RASGRF1: variants seen among roughly 807,000 people sequenced by gnomAD.
RASGRF1 encodes Ras protein specific guanine nucleotide releasing factor 1.
A neutral mutation model predicts 138.7 loss-of-function variants in RASGRF1; 40 were observed. That is an observed-to-expected ratio of 0.29 (90% confidence interval 0.22 to 0.38). The LOEUF (loss-of-function observed/expected upper bound fraction) is 0.38. Among genes scored for constraint, RASGRF1 ranks in the 10% least tolerant of loss-of-function variants. The probability of loss-of-function intolerance (pLI) is 1.00; values close to 1 mark genes in which losing one functional copy is unlikely to be tolerated. For synonymous variants in RASGRF1, 614 were observed against 663.2 expected, an observed-to-expected ratio of 0.93 and a Z score of 1.14; for missense variants, 1,108 against 1,650.4, an observed-to-expected ratio of 0.67 and a Z score of 5.69.
rs1410511102 is a variant in RASGRF1, at chr15:78,960,152, A to G, written c.*1992T>C. The G allele has an allele frequency of 1.3e-5, 2 of 152,262 alleles. No individual in the cohort carries two copies. The highest frequency in any genetic ancestry group is 1.3e-4 in the Admixed American group (2 of 15,290). The allele number at this position is 152,262 out of a possible 1,614,324, so 9.4% of individuals were successfully genotyped here. A position where few individuals can be genotyped will look rare whatever the true frequency, so the allele number is the denominator to read the frequency against. On this transcript the variant is annotated 3_prime_UTR_variant, in exon 27 of 27. Coordinates refer to ENST00000558480, the MANE Select transcript of RASGRF1 (RefSeq NM_001145648.3). The stretch of plus-strand genomic sequence containing the variant: ...TAGATCCCTTCTTTCTCCGCTTGCT[A>G]TCCCCCTCAGATCCCAGCACAAAGT...
At chr15:79,009,470 G>C (rs1415936768) in intron 13 of RASGRF1, among the ~76,000 whole-genome samples, 1 of 152,122 alleles carries the variant, frequency 6.6e-6, no homozygotes, top group Non-Finnish European at 1.5e-5. Flanking sequence ...TGTTTCAGAG[G>C]GAGAGTACAG....
chr15:79,031,287 T>C, intron 8 of RASGRF1, 113 bp downstream of exon 8: 3 of 837,578 alleles, frequency 3.6e-6, no homozygotes, highest in Non-Finnish European at 5.6e-6. Context: ...GCCCCTCCCT[T>C]ACAATCCCCA....
chr15:78,979,937 C>T (rs565752391), intron 24 of RASGRF1, among the ~76,000 whole-genome samples: 2 of 152,202 alleles, frequency 1.3e-5, no homozygotes, highest in African/African-American at 2.4e-5. Context: ...CAGTTTTGGT[C>T]GTCACAACTT....
Position 78,972,337 on chromosome 15 carries a change from C to G in RASGRF1, c.3613-403G>C, listed in dbSNP as rs372553507. ...TCTTGAACTTCTGACCTCAAGTGAT[C>G]CACCCGCCTCAGCTCCCAAAGTGCT... is the stretch of plus-strand genomic sequence containing the variant. On this transcript the variant is annotated intron_variant, in intron 25 of 26. Transcript: ENST00000558480. Among the ~76,000 whole-genome samples, 42 of 152,080 alleles carry G rather than the reference C, an allele frequency of 2.8e-4. 1 individual carries two copies. In the East Asian group the frequency reaches 7.1e-3, roughly 26 times the overall value.
At chr15:78,986,161 C>T (rs1404089639) in intron 22 of RASGRF1, among the ~76,000 whole-genome samples, 1 of 152,022 alleles carries the variant, frequency 6.6e-6, no homozygotes, top group African/African-American at 2.4e-5. Flanking sequence ...TAGAAGATAT[C>T]TTCAAGGACT....
intron 24 of RASGRF1, chr15:78,980,359 T>C (rs1479113423): frequency 3.0e-6 from 1 of 335,234 alleles, no homozygotes; most frequent in African/African-American, 2.1e-5. Context: ...ACTACTATTA[T>C]CATCACAGCT....
At position 79,090,360 on chromosome 15, in the gene RASGRF1, G is replaced by C; in HGVS notation, c.139C>G (p.Leu47Val). Residue 47 changes from leucine to valine, a missense_variant, in exon 1 of 27, where the codon CTG becomes GTG. By Grantham distance (32) the Leu-to-Val change is conservative (BLOSUM62 1). Around this residue, in one of 3 missense-constraint regions of RASGRF1, gnomAD observed 253 missense variants for 329.5 expected, o/e 0.77. Transcript: ENST00000558480. The part of the protein sequence containing the change: ...TKWQTKWFAL[L>V]QNLLFYFESD... ...TCGAAGTAGAAGAGCAGGTTCTGCA[G>C]CAGCGCGAACCACTTGGTTTGCCAT... The C allele has an allele frequency of 6.2e-7, 1 of 1,613,890 alleles. No individual in the cohort carries two copies. The highest frequency in any genetic ancestry group is 1.1e-5 in the South Asian group (1 of 91,080).
chr15:79,066,908 C>T (rs1389923449), intron 1 of RASGRF1, among the ~76,000 whole-genome samples: 1 of 152,158 alleles, frequency 6.6e-6, no homozygotes, highest in East Asian at 1.9e-4. Flanking sequence ...TTCCCCACTC[C>T]CTTCCTGTCA....
intron 1 of RASGRF1, among the ~76,000 whole-genome samples, chr15:79,088,234 G>GT (rs1054882729): frequency 2.6e-5 from 4 of 152,192 alleles, no homozygotes; most frequent in African/African-American, 9.7e-5. Context: ...TGGGAAGGCT[G>GT]TATCTCTGAG....
intron 23 of RASGRF1, among the ~76,000 whole-genome samples, chr15:78,981,927 G>T (rs1051545826): frequency 3.9e-5 from 6 of 152,150 alleles, no homozygotes; most frequent in Non-Finnish European, 8.8e-5. Flanking sequence ...CTTCCCTCCT[G>T]CACTTGCCCC....
chr15:79,082,723 G>A (rs902287131), intron 1 of RASGRF1, among the ~76,000 whole-genome samples: 3 of 152,220 alleles, frequency 2.0e-5, no homozygotes, highest in African/African-American at 7.2e-5. Context: ...TGTCCACAGG[G>A]ATGAAGAAAG....
intron 2 of RASGRF1, among the ~76,000 whole-genome samples, chr15:79,061,736 T>C (rs1202660799): frequency 6.6e-6 from 1 of 152,184 alleles, no homozygotes; most frequent in Non-Finnish European, 1.5e-5. Context: ...TTCCACCAGG[T>C]TGCATGCATT....
Position 79,012,501 on chromosome 15 carries a change from G to C in RASGRF1, c.1826+2826C>G. ...ACGGAGACCCCACCTGCTCATTTCT[G>C]CTTCCCTGGTCCCCTCCCTGGTCCT... On this transcript the variant is annotated intron_variant, in intron 13 of 26. Transcript: ENST00000558480. The C allele has an allele frequency of 2.5e-6, 4 of 1,607,722 alleles. No homozygotes were observed. The highest frequency in any genetic ancestry group is 3.4e-6 in the Non-Finnish European group (4 of 1,174,250).
intron 1 of RASGRF1, among the ~76,000 whole-genome samples, chr15:79,076,460 G>A (rs960629955): frequency 6.6e-6 from 1 of 152,232 alleles, no homozygotes; most frequent in African/African-American, 2.4e-5. Flanking sequence ...AGAGGCCCAT[G>A]GTCCTGGATG....
chr15:79,065,016 G>T (rs375311905), intron 1 of RASGRF1, among the ~76,000 whole-genome samples: 1 of 152,226 alleles, frequency 6.6e-6, no homozygotes, highest in Non-Finnish European at 1.5e-5. Flanking sequence ...TTGGGTGCAG[G>T]TGACTAACTT....
At chr15:78,970,824 A>AC (rs2055742875) in intron 26 of RASGRF1, among the ~76,000 whole-genome samples, 1 of 87,190 alleles carries the variant, frequency 1.1e-5, no homozygotes, top group Non-Finnish European at 2.7e-5. Context: ...GCTAGCTGAG[A>AC]CTTTTTTTTT....
intron 13 of RASGRF1, among the ~76,000 whole-genome samples, chr15:79,015,110 T>TA (rs946203954): frequency 1.6e-4 from 24 of 147,172 alleles, no homozygotes; most frequent in African/African-American, 2.5e-4. Context: ...ATAAAAAATT[T>TA]AAAAAAAAAA....
chr15:79,019,903 G>T, intron 11 of RASGRF1, 138 bp downstream of exon 11: 1 of 952,944 alleles, frequency 1.0e-6, no homozygotes, highest in Non-Finnish European at 1.6e-6. Flanking sequence ...GTGCATGAGG[G>T]CATGTGTGGA....
chr15:79,087,502 C>A (rs1049944521), intron 1 of RASGRF1, among the ~76,000 whole-genome samples: 13 of 152,218 alleles, frequency 8.5e-5, no homozygotes, highest in Non-Finnish European at 4.4e-5. Flanking sequence ...AATTCTTCAT[C>A]AGACACCAGC....
Sources: allele counts gnomAD v4.1 joint callset (sites outside exome capture counted in the v4.1 genomes callset), GRCh38; gene constraint gnomAD v4.1.1; regional missense constraint gnomAD v4.1.1; transcripts MANE v1.5; gene names NCBI Gene and HGNC (gene_info 2026-07-23, HGNC 2026-07-21).